Variants in CDH13 observed in about 807,000 individuals in gnomAD.
The protein encoded by CDH13 is cadherin 13.
CDH13 carries 24 observed loss-of-function variants against 63.8 expected under a neutral mutation model. That is an observed-to-expected ratio of 0.38 (90% CI 0.27 to 0.53). The LOEUF is 0.53. CDH13 is among the 20% of genes least tolerant of loss of function. CDH13 has a pLI of 0.85. For synonymous variants in CDH13, 503 were observed against 355.3 expected, an observed-to-expected ratio of 1.42 and a Z score of -4.67; for missense variants, 1,049 against 903.1, an observed-to-expected ratio of 1.16 and a Z score of -2.07.
At chr16:83,226,365 T>G (rs1405168586) in intron 5 of CDH13, among the ~76,000 whole-genome samples, 2 of 152,182 alleles carry the variant, frequency 1.3e-5, no homozygotes, top group Non-Finnish European at 1.5e-5. Context: ...CTCAGGGCTA[T>G]GGAAACATAT....
chr16:82,894,473 C>A (rs1029156846), intron 2 of CDH13, among the ~76,000 whole-genome samples: 18 of 152,060 alleles, frequency 1.2e-4, no homozygotes, highest in African/African-American at 4.3e-4. Context: ...GAAACGTCAT[C>A]TCTACTAATA....
intron 3 of CDH13, 55 bp from the exon 4 acceptor site, chr16:83,125,330 C>G (rs771045815): frequency 1.0e-6 from 1 of 953,260 alleles, no homozygotes; most frequent in Non-Finnish European, 1.7e-6. Context: ...TCGGAGCAGA[C>G]TGATACATCA....
intron 1 of CDH13, among the ~76,000 whole-genome samples, chr16:82,697,491 G>A (rs551226820): frequency 8.5e-4 from 119 of 139,980 alleles, no homozygotes; most frequent in Non-Finnish European, 1.5e-3. Flanking sequence ...GTGCAGTGGC[G>A]TGATCTCGAC....
chr16:82,998,344 A>G (rs192208603), intron 2 of CDH13, among the ~76,000 whole-genome samples: 211 of 152,366 alleles, frequency 1.4e-3, no homozygotes, highest in Non-Finnish European at 2.2e-3. Context: ...AGAACATAGC[A>G]AAAAAGCATT....
At chr16:82,862,716 G>C (rs140816383) in intron 2 of CDH13, among the ~76,000 whole-genome samples, 3 of 152,238 alleles carry the variant, frequency 2.0e-5, no homozygotes, top group Non-Finnish European at 4.4e-5. Flanking sequence ...GCATTAACAA[G>C]AGCAGGCTAG....
chr16:83,325,728 C>A (rs148143422), intron 5 of CDH13, among the ~76,000 whole-genome samples: 1 of 152,254 alleles, frequency 6.6e-6, no homozygotes, highest in Non-Finnish European at 1.5e-5. Flanking sequence ...TTCCTTCCAC[C>A]TTTGTTCTCC....
At chr16:83,171,681 C>T (rs997513138) in intron 4 of CDH13, 1 of 859,148 alleles carries the variant, frequency 1.2e-6, no homozygotes. Flanking sequence ...ATAGCATGCT[C>T]TTTGGCAGGC....
chr16:83,439,648 C>T (rs2072426356), intron 6 of CDH13, among the ~76,000 whole-genome samples: 1 of 152,188 alleles, frequency 6.6e-6, no homozygotes, highest in African/African-American at 2.4e-5. Context: ...ATGTTCAGGT[C>T]TGTCTGTGTT....
At chr16:83,657,469 C>G (rs567433071) in intron 8 of CDH13, among the ~76,000 whole-genome samples, 73 of 152,314 alleles carry the variant, frequency 4.8e-4, no homozygotes, top group East Asian at 7.7e-4. Flanking sequence ...ACCCCCAGAG[C>G]AGCACTTTAG....
At chr16:83,736,087 C>G (rs748863884) in intron 10 of CDH13, among the ~76,000 whole-genome samples, 2 of 152,116 alleles carry the variant, frequency 1.3e-5, no homozygotes, top group African/African-American at 4.8e-5. Flanking sequence ...AAAAAGCCAC[C>G]CAATCTGGAT....
At chr16:83,783,214 G>A (rs1555528723) in intron 12 of CDH13, 40 bp from the exon 13 acceptor site, 53 of 1,400,418 alleles carry the variant, frequency 3.8e-5, no homozygotes, top group Admixed American at 1.8e-4. Context: ...ATTGGAAAAA[G>A]TCTCATCCAC....
At chr16:83,146,580 G>C (rs963859307) in intron 4 of CDH13, among the ~76,000 whole-genome samples, 1 of 152,234 alleles carries the variant, frequency 6.6e-6, no homozygotes, top group Non-Finnish European at 1.5e-5. Context: ...AAGAAAGCAA[G>C]ATATTTTCCA....
Position 83,047,678 on chromosome 16 carries a change from A to G in CDH13, c.366+15460A>G, listed in dbSNP as rs1917926186. ...TTGCTATAAATCTAGCACTTACAAT[A>G]TCTGGCTGTGAATAAATAATTTCTT... is the stretch of plus-strand genomic sequence containing the variant. On this transcript the variant is annotated intron_variant, in intron 3 of 13. Coordinates refer to ENST00000567109, the MANE Select transcript of CDH13 (RefSeq NM_001257.5). The surrounding 1 kb of genome is among the most constrained non-coding windows in gnomAD (Gnocchi z 4.9). Among the ~76,000 whole-genome samples, 2 of 152,344 alleles carry G rather than the reference A, an allele frequency of 1.3e-5. No homozygotes were observed. The highest frequency in any genetic ancestry group is 4.1e-4 in the South Asian group (2 of 4,830).
At chr16:82,677,742 C>G (rs1597297368) in intron 1 of CDH13, among the ~76,000 whole-genome samples, 1 of 152,198 alleles carries the variant, frequency 6.6e-6, no homozygotes, top group Non-Finnish European at 1.5e-5. Context: ...TCTCACTATA[C>G]TAACACAAAT....
rs1309352362 is a variant in CDH13, at chr16:83,316,437, G to A, written c.637-28425G>A. Among the ~76,000 whole-genome samples the A allele has an allele frequency of 4.6e-5, 7 of 152,296 alleles. No homozygotes were observed. The South Asian group carries it at 1.0e-3, about 23-fold the overall frequency. On this transcript the variant is annotated intron_variant, in intron 5 of 13. Coordinates refer to ENST00000567109, the MANE Select transcript of CDH13 (RefSeq NM_001257.5). ...TCATAAACTGGGAGAAACGGGGAGC[G>A]ATGCAAAAGACAGTCAGTGCTACCG...
rs189035676 is a variant in CDH13, at chr16:82,736,467, A to G, written c.45+109330A>G. On this transcript the variant is annotated intron_variant, in intron 1 of 13. Coordinates refer to ENST00000567109, the MANE Select transcript of CDH13 (RefSeq NM_001257.5). ...CAGATGCATTGATGAACAAGTTGCA[A>G]TTCTTGCTGTGGTGAGCTAATGGTA... Among the ~76,000 whole-genome samples the G allele has an allele frequency of 2.1e-3, 318 of 152,266 alleles. 2 individuals carry two copies. Among genetic ancestry groups the G allele is most frequent in the African/African-American group, 7.4e-3 (308 of 41,556 alleles).
chr16:83,147,719 G>T lies in CDH13; in HGVS notation c.483+22218G>T, dbSNP rs182117136. 3.2e-4 allele frequency among the ~76,000 whole-genome samples: 49 copies of T among 152,044 alleles called. 1 individual carries two copies. The highest frequency in any genetic ancestry group is 1.5e-3 in the South Asian group (7 of 4,796). On this transcript the variant is annotated intron_variant, in intron 4 of 13. Coordinates refer to ENST00000567109, the MANE Select transcript of CDH13 (RefSeq NM_001257.5). ...CACCCCACTTGCGTTCCACCCCTAG[G>T]TTGCTACACATTCCCCTAGAGGGCT...
chr16:83,653,936 G>A (rs2150825006), intron 8 of CDH13, among the ~76,000 whole-genome samples: 1 of 152,282 alleles, frequency 6.6e-6, no homozygotes, highest in South Asian at 2.1e-4. Flanking sequence ...GGCTTGGATA[G>A]GGGAATATGT....
chr16:82,825,541 T>C (rs1208863775), intron 1 of CDH13: 2 of 103,372 alleles, frequency 1.9e-5, no homozygotes, highest in Admixed American at 9.3e-5. Flanking sequence ...AATATTAACT[T>C]TTTTTTTTTT....
Sources: allele counts gnomAD v4.1 joint callset (sites outside exome capture counted in the v4.1 genomes callset), GRCh38; gene constraint gnomAD v4.1.1; non-coding constraint Gnocchi (gnomAD v3.1); transcripts MANE v1.5; gene names NCBI Gene and HGNC (gene_info 2026-07-23, HGNC 2026-07-21).